The following SPATA17 variants were observed in gnomAD, a reference collection of about 807,000 sequenced individuals.
SPATA17 encodes spermatogenesis associated 17, also known as spermatogenesis-associated protein 17.
SPATA17 carries 53 observed loss-of-function variants against 62.2 expected under a neutral mutation model. That is an observed-to-expected ratio of 0.85 (90% CI 0.68 to 1.07). The LOEUF (loss-of-function observed/expected upper bound fraction) is 1.07, where lower values mean the gene tolerates loss of function less well. Among genes scored for constraint, SPATA17 ranks in the 50% least tolerant of loss-of-function variants. The probability of loss-of-function intolerance (pLI) is 0.00; values close to 1 mark genes in which losing one functional copy is unlikely to be tolerated. For synonymous variants in SPATA17, 146 were observed against 146.8 expected (o/e 0.99, Z 0.04); for missense variants, 466 against 425.5 (o/e 1.10, Z -0.84).
intron 5 of SPATA17, among the ~76,000 whole-genome samples, chr1:217,699,190 C>T (rs955648358): frequency 1.3e-5 from 2 of 152,116 alleles, no homozygotes; most frequent in Non-Finnish European, 2.9e-5. Flanking sequence ...TTTATGTGAG[C>T]ACACATTTCT....
At chr1:217,774,614 T>C in intron 7 of SPATA17, 77 bp downstream of exon 7, 1 of 1,185,516 alleles carries the variant, frequency 8.4e-7, no homozygotes, top group Non-Finnish European at 1.2e-6. Context: ...TAACACTATC[T>C]TAATTTAACC....
intron 9 of SPATA17, among the ~76,000 whole-genome samples, chr1:217,840,956 T>C (rs1364702232): frequency 6.6e-6 from 1 of 152,044 alleles, no homozygotes; most frequent in Admixed American, 6.6e-5. Context: ...TATATAATGA[T>C]ATGTATAGAC....
intron 6 of SPATA17, 80 bp from the exon 7 acceptor site, chr1:217,774,254 A>C (rs1430471328): frequency 8.0e-7 from 1 of 1,248,132 alleles, no homozygotes; most frequent in Non-Finnish European, 1.1e-6. Context: ...AAACATAAGA[A>C]AAAATTTCAT....
chr1:217,763,852 A>T (rs538637150), intron 6 of SPATA17, among the ~76,000 whole-genome samples: 1 of 152,314 alleles, frequency 6.6e-6, no homozygotes, highest in African/African-American at 2.4e-5. Flanking sequence ...GATGATTCTC[A>T]GGTTTTTGAC....
chr1:217,841,350 T>A (rs1675391746), intron 9 of SPATA17, among the ~76,000 whole-genome samples: 1 of 152,048 alleles, frequency 6.6e-6, no homozygotes, highest in South Asian at 2.1e-4. Context: ...TTGATAAATT[T>A]TAGTATTTAT....
chr1:217,848,785 C>G (rs1347473946), intron 9 of SPATA17, among the ~76,000 whole-genome samples: 1 of 151,830 alleles, frequency 6.6e-6, no homozygotes, highest in Non-Finnish European at 1.5e-5. Flanking sequence ...TCTTTGTTTT[C>G]TCAGATCTTT....
At chr1:217,808,591 C>T (rs976239782) in intron 9 of SPATA17, among the ~76,000 whole-genome samples, 5 of 152,142 alleles carry the variant, frequency 3.3e-5, no homozygotes, top group African/African-American at 1.2e-4. Context: ...CAGTGGCCCA[C>T]GCCTGTAATC....
At chr1:217,636,388 AATTATT>A (rs34766852) in intron 1 of SPATA17, among the ~76,000 whole-genome samples, 1 of 151,428 alleles carries the variant, frequency 6.6e-6, no homozygotes, top group Non-Finnish European at 1.5e-5. Context: ...CACTGAACAA[AATTATT>A]ATTATTATTA....
chr1:217,864,064 G>A (rs1385538571), intron 10 of SPATA17, among the ~76,000 whole-genome samples: 1 of 152,090 alleles, frequency 6.6e-6, no homozygotes. Context: ...CTACTCTGAA[G>A]GAATACATGA....
intron 7 of SPATA17, among the ~76,000 whole-genome samples, chr1:217,775,274 T>C (rs965543153): frequency 2.6e-5 from 4 of 152,202 alleles, no homozygotes; most frequent in African/African-American, 9.7e-5. Flanking sequence ...CATTTTTGAA[T>C]TGGGCTGTTT....
rs149219118 is a variant in SPATA17 at position 217,833,167 on chromosome 1, A to G, written c.1006-29607A>G. Among the ~76,000 whole-genome samples, 6 of 152,284 alleles carry G rather than the reference A, an allele frequency of 3.9e-5. No individual in the cohort carries two copies. In the Middle Eastern group the frequency reaches 0.01, roughly 259 times the overall value. ...TGCTTAGTTTTGGTTTTTAAAAGTC[A>G]GAATCAAAAAGCTGCTTACCTTCAG... On this transcript the variant is annotated intron_variant, in intron 9 of 10. Transcript: ENST00000366933.
chr1:217,784,958 G>A (rs1331626617), intron 8 of SPATA17: 1 of 152,144 alleles, frequency 6.6e-6, no homozygotes, highest in Non-Finnish European at 1.5e-5. Flanking sequence ...ACATAGAAAT[G>A]TACTGTATCA....
At chr1:217,815,689 G>A (rs1255005729) in intron 9 of SPATA17, among the ~76,000 whole-genome samples, 1 of 152,128 alleles carries the variant, frequency 6.6e-6, no homozygotes, top group East Asian at 1.9e-4. Context: ...TCCATAATGT[G>A]GGTGGGTCTC....
At chr1:217,829,645 A>G (rs1675086652) in intron 9 of SPATA17, among the ~76,000 whole-genome samples, 1 of 150,650 alleles carries the variant, frequency 6.6e-6, no homozygotes, top group Non-Finnish European at 1.5e-5. Flanking sequence ...AAAAAAAAAA[A>G]AAAAAAAAAT....
chr1:217,684,429 T>A (rs1443502610), intron 5 of SPATA17, among the ~76,000 whole-genome samples: 1 of 152,154 alleles, frequency 6.6e-6, no homozygotes, highest in Non-Finnish European at 1.5e-5. Flanking sequence ...TTTATTTTTT[T>A]TTTGAGACGG....
intron 5 of SPATA17, among the ~76,000 whole-genome samples, chr1:217,699,764 T>C (rs1671548229): frequency 6.6e-6 from 1 of 152,194 alleles, no homozygotes; most frequent in South Asian, 2.1e-4. Flanking sequence ...TGGAGTCTAG[T>C]CTAAGATGGC....
chr1:217,731,914 A>G (rs909279960), intron 5 of SPATA17, among the ~76,000 whole-genome samples: 5 of 152,190 alleles, frequency 3.3e-5, no homozygotes, highest in East Asian at 3.8e-4. Context: ...TGTAGTGATA[A>G]CCTACTACAA....
At chr1:217,708,109 A>G (rs1671777564) in intron 5 of SPATA17, among the ~76,000 whole-genome samples, 1 of 152,206 alleles carries the variant, frequency 6.6e-6, no homozygotes, top group African/African-American at 2.4e-5. Flanking sequence ...AGTCAGAAAT[A>G]TCCCAAATTA....
chr1:217,856,466 C>T (rs1452068505), intron 9 of SPATA17, among the ~76,000 whole-genome samples: 1 of 152,154 alleles, frequency 6.6e-6, no homozygotes, highest in African/African-American at 2.4e-5. Flanking sequence ...TGCCTCTGAG[C>T]AGAAGTAATA....
Sources: gnomAD v4.1 joint callset for allele counts (sites outside exome capture counted in the v4.1 genomes callset) on GRCh38, gnomAD v4.1.1 for gene constraint, MANE v1.5 for transcripts, NCBI Gene and HGNC (gene_info 2026-07-23, HGNC 2026-07-21) for gene names.